The following CMSS1 variants were observed in gnomAD, a reference collection of about 807,000 sequenced individuals.
The protein encoded by CMSS1 is protein CMSS1.
CMSS1 carries 33 observed loss-of-function variants against 43.5 expected under a neutral mutation model. That is an observed-to-expected ratio of 0.76 (90% CI 0.57 to 1.01). The LOEUF (loss-of-function observed/expected upper bound fraction) is 1.01, where lower values mean the gene tolerates loss of function less well. CMSS1 is among the 50% of genes least tolerant of loss of function. CMSS1 has a pLI of 0.00. For missense variants in CMSS1, 313 were observed against 326.4 expected (o/e 0.96, Z 0.32); for synonymous variants, 115 against 117.2 (o/e 0.98, Z 0.12).
At chr3:99,847,273 TAGGTAGCACCTACATTAA>T (rs897174770) in intron 1 of CMSS1, among the ~76,000 whole-genome samples, 4 of 149,778 alleles carry the variant, frequency 2.7e-5, no homozygotes, top group Non-Finnish European at 5.9e-5. Context: ...ATGAACAGGG[TAGGTAGCACCTACATTAA>T]GTAATTCAAA....
intron 1 of CMSS1, among the ~76,000 whole-genome samples, chr3:100,034,645 G>A (rs1330470197): frequency 6.6e-6 from 1 of 152,148 alleles, no homozygotes; most frequent in Non-Finnish European, 1.5e-5. Flanking sequence ...GATAGCAAAT[G>A]TCTAGTATTT....
intron 1 of CMSS1, among the ~76,000 whole-genome samples, chr3:99,882,052 A>G (rs1705747606): frequency 6.6e-6 from 1 of 152,186 alleles, no homozygotes; most frequent in Non-Finnish European, 1.5e-5. Context: ...TTGGATTTAT[A>G]TGTTTTCTTT....
chr3:99,913,238 G>C (rs948494141), intron 1 of CMSS1, among the ~76,000 whole-genome samples: 1 of 152,102 alleles, frequency 6.6e-6, no homozygotes, highest in East Asian at 1.9e-4. Flanking sequence ...CAGCCCCAGC[G>C]GACTAAGGCA....
chr3:99,978,350 A>G (rs1474802941), intron 1 of CMSS1, among the ~76,000 whole-genome samples: 10 of 152,238 alleles, frequency 6.6e-5, no homozygotes, highest in Non-Finnish European at 1.2e-4. Context: ...TTATTGCAGC[A>G]CTATTCACAA....
intron 1 of CMSS1, among the ~76,000 whole-genome samples, chr3:99,973,490 C>CT (rs983697997): frequency 2.1e-3 from 325 of 152,078 alleles, no homozygotes; most frequent in African/African-American, 6.9e-3. Context: ...ATTCCTCTGT[C>CT]TTTTTTTTCC....
At chr3:100,004,916 C>T (rs1200732595) in intron 1 of CMSS1, among the ~76,000 whole-genome samples, 1 of 152,084 alleles carries the variant, frequency 6.6e-6, no homozygotes, top group African/African-American at 2.4e-5. Context: ...TTCTCATAGC[C>T]TCATACCCAT....
chr3:99,820,032 C>G (rs1423933703), intron 1 of CMSS1, among the ~76,000 whole-genome samples: 1 of 151,440 alleles, frequency 6.6e-6, no homozygotes, highest in Non-Finnish European at 1.5e-5. Context: ...GGATTACAGG[C>G]GTGAGCCACC....
At chr3:99,877,909 G>C (rs972415859) in intron 1 of CMSS1, among the ~76,000 whole-genome samples, 12 of 152,038 alleles carry the variant, frequency 7.9e-5, no homozygotes, top group African/African-American at 2.2e-4. Context: ...CCCTCTGATA[G>C]GCAAATATGT....
intron 1 of CMSS1, among the ~76,000 whole-genome samples, chr3:100,131,958 T>A (rs574267598): frequency 2.0e-5 from 3 of 152,308 alleles, no homozygotes; most frequent in South Asian, 2.1e-4. Flanking sequence ...ATGCTTTTTT[T>A]AAAGATTAAA....
rs745924720 is a variant in CMSS1 at position 99,849,759 on chromosome 3, T to A, written c.64+31716T>A. ...CATCCTCAATGGCTTTCATGTCCTT[T>A]AGCTTCAGTTTCAGTCTTTCCACTT... On this transcript the variant is annotated intron_variant, in intron 1 of 9. Coordinates refer to ENST00000421999, the MANE Select transcript of CMSS1 (RefSeq NM_032359.4). The A allele has an allele frequency of 1.9e-6, 3 of 1,613,716 alleles. No individual in the cohort carries two copies. The East Asian group carries it at 6.7e-5, about 36-fold the overall frequency.
chr3:99,934,488 G>A (rs115099301), intron 1 of CMSS1, among the ~76,000 whole-genome samples: 2,412 of 152,174 alleles, frequency 0.016, 58 homozygotes, highest in African/African-American at 0.054. Context: ...ATAGTCCTGT[G>A]TGGAACAATA....
chr3:99,837,159 T>C (rs1942934602), intron 1 of CMSS1, among the ~76,000 whole-genome samples: 1 of 152,166 alleles, frequency 6.6e-6, no homozygotes, highest in South Asian at 2.1e-4. Flanking sequence ...ATGAAATAAA[T>C]GGGCTGCTTA....
At chr3:99,938,328 T>A (rs1707755335) in intron 1 of CMSS1, among the ~76,000 whole-genome samples, 2 of 152,226 alleles carry the variant, frequency 1.3e-5, no homozygotes, top group Non-Finnish European at 2.9e-5. Context: ...TTTTTAAGCA[T>A]GTAACATTTT....
chr3:99,974,709 A>AAACAACAAC (rs371476675), intron 1 of CMSS1, among the ~76,000 whole-genome samples: 1 of 151,912 alleles, frequency 6.6e-6, no homozygotes, highest in Admixed American at 6.6e-5. Context: ...CTCCATCTCA[A>AAACAACAAC]AACAACAACA....
chr3:100,120,952 G>T (rs939380601), intron 1 of CMSS1, among the ~76,000 whole-genome samples: 3 of 152,058 alleles, frequency 2.0e-5, no homozygotes, highest in Non-Finnish European at 4.4e-5. Context: ...TAAGGACAGG[G>T]CTATGGCATC....
At chr3:100,021,293 G>A (rs924314566) in intron 1 of CMSS1, among the ~76,000 whole-genome samples, 4 of 152,116 alleles carry the variant, frequency 2.6e-5, no homozygotes, top group African/African-American at 4.8e-5. Context: ...ATTCTTCTTT[G>A]GAGTTGTTAA....
intron 2 of CMSS1, among the ~76,000 whole-genome samples, chr3:100,152,909 A>G (rs2066933546): frequency 6.6e-6 from 1 of 152,200 alleles, no homozygotes; most frequent in African/African-American, 2.4e-5. Flanking sequence ...GTTCAAGCGC[A>G]TTCTTCATCA....
intron 1 of CMSS1, among the ~76,000 whole-genome samples, chr3:100,090,510 A>G (rs1289692661): frequency 1.3e-5 from 2 of 152,152 alleles, no homozygotes; most frequent in South Asian, 2.1e-4. Flanking sequence ...GGCGACAGAG[A>G]TGCATGACTT....
intron 1 of CMSS1, among the ~76,000 whole-genome samples, chr3:99,918,327 A>C (rs995636230): frequency 1.3e-5 from 2 of 152,136 alleles, no homozygotes; most frequent in Non-Finnish European, 2.9e-5. Flanking sequence ...AATTTGCCAA[A>C]AGTTATACAT....
Sources: allele counts gnomAD v4.1 joint callset (sites outside exome capture counted in the v4.1 genomes callset), GRCh38; gene constraint gnomAD v4.1.1; transcripts MANE v1.5; gene names NCBI Gene and HGNC (gene_info 2026-07-23, HGNC 2026-07-21).